CNTN5: variants seen among roughly 807,000 people sequenced by gnomAD.
CNTN5 encodes the protein contactin 5.
A neutral mutation model predicts 129.1 loss-of-function variants in CNTN5; 77 were observed. The observed-to-expected ratio is 0.60, with a 90% confidence interval of 0.50 to 0.72. CNTN5 has a LOEUF of 0.72. CNTN5 is among the 30% of genes least tolerant of loss of function. The pLI is 0.00. For synonymous variants in CNTN5, 509 were observed against 465.6 expected, an observed-to-expected ratio of 1.09 and a Z score of -1.20; for missense variants, 1,478 against 1,328.8, an observed-to-expected ratio of 1.11 and a Z score of -1.75.
intron 9 of CNTN5, among the ~76,000 whole-genome samples, chr11:100,038,057 G>C (rs922550548): frequency 4.6e-5 from 7 of 151,386 alleles, no homozygotes. Context: ...TAATTGTGAT[G>C]TTAGGGTGTC....
At chr11:99,428,299 T>G (rs571353316) in intron 2 of CNTN5, among the ~76,000 whole-genome samples, 1 of 152,010 alleles carries the variant, frequency 6.6e-6, no homozygotes, top group African/African-American at 2.4e-5. Context: ...GTGGCTCACG[T>G]TTTTAATCCC....
chr11:99,660,025 C>A (rs1484166706), intron 3 of CNTN5, among the ~76,000 whole-genome samples: 4 of 152,066 alleles, frequency 2.6e-5, no homozygotes, highest in Non-Finnish European at 4.4e-5. Context: ...TTTACTGGAA[C>A]AAATTGGTTA....
intron 2 of CNTN5, among the ~76,000 whole-genome samples, chr11:99,458,344 G>A (rs2135222477): frequency 6.6e-6 from 1 of 152,018 alleles, no homozygotes; most frequent in South Asian, 2.1e-4. Flanking sequence ...GTTAAAATTT[G>A]ATAGAGATTT....
At chr11:99,598,630 T>TC (rs1480438373) in intron 3 of CNTN5, among the ~76,000 whole-genome samples, 4 of 151,664 alleles carry the variant, frequency 2.6e-5, no homozygotes, top group African/African-American at 4.8e-5. Flanking sequence ...GCTTTTTTTT[T>TC]TTTCTCATAT....
chr11:99,123,669 T>TA (rs1555050886), intron 1 of CNTN5, among the ~76,000 whole-genome samples: 4 of 146,102 alleles, frequency 2.7e-5, no homozygotes, highest in Non-Finnish European at 4.5e-5. Flanking sequence ...TTTTTTTTTT[T>TA]ATAGTTTTAG....
At position 99,560,536 on chromosome 11, in the gene CNTN5, C is replaced by T. The variant is rs140872362; in HGVS notation, c.55+4267C>T. ...AAATTCCCAACCTCAGGTGATCCGC[C>T]TGCCTCGGCCTCCCAAACTGCTGGG... On this transcript the variant is annotated intron_variant, in intron 3 of 24. Coordinates refer to ENST00000524871, the MANE Select transcript of CNTN5 (RefSeq NM_014361.4). 5.9e-3 allele frequency among the ~76,000 whole-genome samples: 902 copies of T among 152,200 alleles called. 3 individuals are homozygous for T. Among genetic ancestry groups the T allele is most frequent in the Middle Eastern group, 0.014 (4 of 292 alleles).
At chr11:99,370,623 T>A (rs148849277) in intron 2 of CNTN5, among the ~76,000 whole-genome samples, 1 of 152,306 alleles carries the variant, frequency 6.6e-6, no homozygotes, top group African/African-American at 2.4e-5. Flanking sequence ...AATTGTCACA[T>A]CTAATTATCA....
At chr11:99,211,602 G>A (rs1335859016) in intron 1 of CNTN5, among the ~76,000 whole-genome samples, 1 of 150,214 alleles carries the variant, frequency 6.7e-6, no homozygotes, top group Non-Finnish European at 1.5e-5. Flanking sequence ...ATTTAATTAT[G>A]CAAGTTTCTT....
intron 2 of CNTN5, among the ~76,000 whole-genome samples, chr11:99,453,304 G>A (rs2726396): frequency 0.49 from 75,118 of 151,886 alleles, 19,189 homozygotes; most frequent in East Asian, 0.65. Context: ...AGAGGAAAGC[G>A]TTGGAGAAAG....
intron 13 of CNTN5, among the ~76,000 whole-genome samples, chr11:100,090,529 T>TCCTCCCTCCCTC (rs1280846103): frequency 2.5e-4 from 7 of 28,046 alleles, no homozygotes; most frequent in African/African-American, 9.6e-4. Context: ...CTCCCTCCCT[T>TCCTCCCTCCCTC]CCTTCCTTCC....
chr11:99,080,542 G>A lies in CNTN5; in HGVS notation c.-210+59272G>A, dbSNP rs556138563. Among the ~76,000 whole-genome samples the A allele has an allele frequency of 3.9e-5, 6 of 152,294 alleles. No individual in the cohort carries two copies. In the South Asian group the frequency reaches 1.2e-3, roughly 32 times the overall value. On this transcript the variant is annotated intron_variant, in intron 1 of 24. Transcript: ENST00000524871. ...TCCTATCAGCAGAAGAGAAGGGGCA[G>A]ATTCCCAAATTTGCTGTTTTTCTCA...
chr11:99,043,641 C>G (rs957384872), intron 1 of CNTN5, among the ~76,000 whole-genome samples: 2 of 152,086 alleles, frequency 1.3e-5, no homozygotes, highest in African/African-American at 4.8e-5. Flanking sequence ...AAATGCTAAA[C>G]TTCCTTTATA....
intron 9 of CNTN5, among the ~76,000 whole-genome samples, chr11:100,032,514 T>C (rs1214556562): frequency 6.6e-6 from 1 of 152,002 alleles, no homozygotes; most frequent in East Asian, 1.9e-4. Flanking sequence ...TAATGATATA[T>C]ATATATATAA....
chr11:100,013,048 A>G (rs1940617813), intron 9 of CNTN5, among the ~76,000 whole-genome samples: 1 of 152,192 alleles, frequency 6.6e-6, no homozygotes, highest in African/African-American at 2.4e-5. Context: ...CAACATGTAC[A>G]TAACTGAAAG....
intron 7 of CNTN5, among the ~76,000 whole-genome samples, chr11:99,917,617 G>A (rs937054221): frequency 4.6e-5 from 7 of 152,078 alleles, no homozygotes; most frequent in Non-Finnish European, 7.4e-5. Flanking sequence ...ACAACATAAA[G>A]TGACCCCTGT....
At chr11:99,258,622 A>T (rs192393440) in intron 1 of CNTN5, among the ~76,000 whole-genome samples, 1 of 152,206 alleles carries the variant, frequency 6.6e-6, no homozygotes, top group Non-Finnish European at 1.5e-5. Context: ...ATTCAGCTTC[A>T]GAGATTTTAA....
intron 6 of CNTN5, among the ~76,000 whole-genome samples, chr11:99,861,938 A>G (rs920703366): frequency 5.3e-5 from 8 of 152,250 alleles, no homozygotes; most frequent in African/African-American, 1.9e-4. Flanking sequence ...CTAATTTCAC[A>G]GTTAAAGTTT....
At position 100,062,643 on chromosome 11, in the gene CNTN5, A is replaced by G. The variant is rs567445889; in HGVS notation, c.1162+1250A>G. On this transcript the variant is annotated intron_variant, in intron 10 of 24. Coordinates refer to ENST00000524871, the MANE Select transcript of CNTN5 (RefSeq NM_014361.4). ...GGGAATGCAGAGTCTACTGCATTCT[A>G]CTCAGAGGAGTCAGGAAAAGCTTTA... is the stretch of plus-strand genomic sequence containing the variant. Among the ~76,000 whole-genome samples the G allele has an allele frequency of 8.5e-5, 13 of 152,282 alleles. No homozygotes were observed. The East Asian group carries it at 2.5e-3, about 29-fold the overall frequency.
chr11:99,213,295 C>T (rs11218871), intron 1 of CNTN5, among the ~76,000 whole-genome samples: 1 of 140,834 alleles, frequency 7.1e-6, no homozygotes, highest in African/African-American at 2.6e-5. Flanking sequence ...ATATATATAA[C>T]ATATATAATA....
Sources: allele counts gnomAD v4.1 joint callset (sites outside exome capture counted in the v4.1 genomes callset), GRCh38; gene constraint gnomAD v4.1.1; transcripts MANE v1.5; gene names NCBI Gene and HGNC (gene_info 2026-07-23, HGNC 2026-07-21).